Variants in ROBO4 observed in about 807,000 individuals in gnomAD.
The protein encoded by ROBO4 is roundabout guidance receptor 4.
A neutral mutation model predicts 103.3 loss-of-function variants in ROBO4; 80 were observed. That is an observed-to-expected ratio of 0.77 (90% CI 0.65 to 0.93). ROBO4 has a LOEUF of 0.93. Among genes scored for constraint, ROBO4 ranks in the 40% least tolerant of loss-of-function variants. The pLI, the probability that ROBO4 is intolerant of heterozygous loss-of-function variation, is 0.00. For synonymous variants in ROBO4, 504 were observed against 529.7 expected, an observed-to-expected ratio of 0.95 and a Z score of 0.67; for missense variants, 1,333 against 1,305.3, an observed-to-expected ratio of 1.02 and a Z score of -0.33.
chr11:124,886,892 C>A, intron 15 of ROBO4, 70 bp from the exon 16 acceptor site: 1 of 1,532,086 alleles, frequency 6.5e-7, no homozygotes, highest in Non-Finnish European at 8.8e-7. Context: ...AGAAAAGCCC[C>A]AGTTGAGGGA....
chr11:124,890,125 G>A (rs1265856023), intron 12 of ROBO4, among the ~76,000 whole-genome samples: 1 of 152,042 alleles, frequency 6.6e-6, no homozygotes, highest in Non-Finnish European at 1.5e-5. Flanking sequence ...TGGGAAGGCT[G>A]TTTTTTAAAT....
At chr11:124,895,756 G>A (rs369105950) in intron 5 of ROBO4, 29 bp downstream of exon 5, 129 of 1,613,678 alleles carry the variant, frequency 8.0e-5, no homozygotes, top group East Asian at 2.5e-4. Flanking sequence ...GCTCTGGATC[G>A]GCTTTTACCC....
At chr11:124,892,405 G>C (rs923236653) in intron 10 of ROBO4, 7 of 237,428 alleles carry the variant, frequency 2.9e-5, no homozygotes, top group African/African-American at 1.4e-4. Flanking sequence ...ATAGAGCCCA[G>C]GTACCTAGCA....
At chr11:124,894,451 G>T (rs1946850291) in intron 7 of ROBO4, 82 bp from the exon 8 acceptor site, 10 of 1,408,878 alleles carry the variant, frequency 7.1e-6, no homozygotes, top group Admixed American at 2.1e-5. Context: ...AGACTCCAGG[G>T]GTGTGGTTAT....
chr11:124,893,898 A>G lies in ROBO4; in HGVS notation c.1466T>C (p.Ile489Thr). The change falls in exon 9 of 18, where the codon ATC becomes ACC. Residue 489 changes from isoleucine (I) to threonine (T), a missense_variant. Transcript: ENST00000306534. ...CACCCTAGCTCGGCGCCGGCGGTGGATACACACGGCGGTGCCCAGAAGCAG... is the reference window on the plus strand; with the variant it reads ...CACCCTAGCTCGGCGCCGGCGGTGGGTACACACGGCGGTGCCCAGAAGCAG... ...WLLLLGTAVC[I>T]HRRRRARVHL... The G allele has an allele frequency of 6.2e-7, 1 of 1,612,408 alleles. No individual in the cohort carries two copies. The highest frequency in any genetic ancestry group is 8.5e-7 in the Non-Finnish European group (1 of 1,179,800).
Position 124,893,946 on chromosome 11 carries a change from G to A in ROBO4, c.1418C>T (p.Thr473Ile). The change falls in exon 9 of 18, where the codon ACC becomes ATC. Residue 473 changes from threonine to isoleucine, a missense_variant. Physicochemically the swap from Thr to Ile is moderately conservative, Grantham distance 89. Transcript: ENST00000306534. ...ATLKRPEVIA[T>I]CGVALWLLLL... ...CAGCAGCCAGAGTGCAACACCGCAGGTGGCAATGACCTCAGGCCGCTTCAA... is the reference window on the plus strand; with the variant it reads ...CAGCAGCCAGAGTGCAACACCGCAGATGGCAATGACCTCAGGCCGCTTCAA... 6 of 1,610,174 alleles carry A rather than the reference G, an allele frequency of 3.7e-6. No homozygotes were observed. The highest frequency in any genetic ancestry group is 2.2e-5 in the East Asian group (1 of 44,850).
rs200777531 is a variant in ROBO4 at position 124,887,831 on chromosome 11, T to G, written c.1958A>C (p.His653Pro). 11 of 1,613,416 alleles carry G rather than the reference T, an allele frequency of 6.8e-6. No individual in the cohort carries two copies. The Admixed American group carries it at 1.0e-4, about 15-fold the overall frequency. The change falls in exon 13 of 18, where the codon CAT (histidine) becomes CCT (proline). Residue 653 changes from histidine to proline, a missense_variant. Physicochemically the swap from His to Pro is moderately conservative, Grantham distance 77. Coordinates refer to ENST00000306534, the MANE Select transcript of ROBO4 (RefSeq NM_019055.6). ...WKAKKKQELQ[H>P]ANSSPLLRGS... is the part of the protein sequence containing the mutation. The stretch of plus-strand genomic sequence containing the variant: ...CCGGAGCAGTGGGGAACTGTTGGCA[T>G]GCTGCAGCTCTGCAAAGAAAGGGTT...
chr11:124,885,077 T>A lies in ROBO4; in HGVS notation c.2965A>T (p.Arg989Ter), dbSNP rs139324033. 2.1e-4 allele frequency: 332 copies of A among 1,614,176 alleles called. 1 individual carries two copies. Among genetic ancestry groups the A allele is most frequent in the Admixed American group, 1.9e-3 (117 of 60,028 alleles). ...GGCATACGACAGTGGAGCTGACTTCTCTGGGAAGAGATCTGAGAGTCAGGG... is the reference window on the plus strand; with the variant it reads ...GGCATACGACAGTGGAGCTGACTTCACTGGGAAGAGATCTGAGAGTCAGGG... ...WPPDSQISSQ[R>*]SQLHCRMPKA... is the part of the protein sequence containing the mutation. The change falls in exon 17 of 18, where the codon AGA becomes TGA. Residue 989 changes from arginine (R) to a stop codon, truncating the protein, a stop_gained. Coordinates refer to ENST00000306534, the MANE Select transcript of ROBO4 (RefSeq NM_019055.6). LOFTEE classifies it high-confidence loss of function.
At chr11:124,888,387 G>A (rs922538042) in intron 12 of ROBO4, among the ~76,000 whole-genome samples, 2 of 152,124 alleles carry the variant, frequency 1.3e-5, no homozygotes, top group African/African-American at 4.8e-5. Flanking sequence ...TGGGAAACTC[G>A]ACTGTCTCTC....
At chr11:124,885,276 G>T in intron 16 of ROBO4, 29 bp from the exon 17 acceptor site, 1 of 1,589,620 alleles carries the variant, frequency 6.3e-7, no homozygotes, top group Non-Finnish European at 8.6e-7. Context: ...GTGTCTGTGG[G>T]AGGTTGACCT....
intron 6 of ROBO4, 102 bp downstream of exon 6, chr11:124,895,355 C>A: frequency 3.2e-6 from 4 of 1,242,584 alleles, no homozygotes; most frequent in Middle Eastern, 2.2e-4. Flanking sequence ...AGGGTAGGAC[C>A]CATAATCTCC....
chr11:124,884,935 T>A, intron 17 of ROBO4, 22 bp from the exon 18 acceptor site: 1 of 1,614,116 alleles, frequency 6.2e-7, no homozygotes, highest in Non-Finnish European at 8.5e-7. Context: ...TGGAGTTATC[T>A]CCCTTGCTCC....
Position 124,891,724 on chromosome 11 carries a change from G to A in ROBO4, c.1626C>T (p.Ser542=), listed in dbSNP as rs150902625. 23 of 1,614,050 alleles carry A rather than the reference G, an allele frequency of 1.4e-5. No homozygotes were observed. The African/African-American group carries it at 2.7e-4, about 19-fold the overall frequency. Residue 542 remains serine (S), a synonymous_variant, in exon 11 of 18, where the codon AGC becomes AGT. Transcript: ENST00000306534. ...TSGSRDLSSS[S]SLSSRLGADA... The stretch of plus-strand genomic sequence containing the variant: ...CCGCCCCCAGCCGACTGCTGAGGCT[G>A]CTGCTGCTGCTCAGGTCCCGAGAGC...
In ROBO4 at chr11:124,887,734, T is replaced by C. The variant is rs1946739040; in HGVS notation, c.2055A>G (p.Pro685=). 1 of 1,613,776 alleles carries C rather than the reference T, an allele frequency of 6.2e-7. No individual in the cohort carries two copies. The highest frequency in any genetic ancestry group is 8.5e-7 in the Non-Finnish European group (1 of 1,179,800). ...NRGSKNLSQS[P]GAVPQALVAW... ...TCCCTTTCAGGGACCCCCTCTCACC[T>C]GGGCTTTGGGAAAGGTTCTTGGAAC... is the stretch of plus-strand genomic sequence containing the variant. The change falls in exon 13 of 18, where the codon CCA becomes CCG. Residue 685 remains proline, a splice_region_variant and synonymous_variant. Coordinates refer to ENST00000306534, the MANE Select transcript of ROBO4 (RefSeq NM_019055.6).
chr11:124,897,399 A>G (rs1018731080), intron 1 of ROBO4, 138 bp from the exon 2 acceptor site: 11 of 680,096 alleles, frequency 1.6e-5, no homozygotes, highest in African/African-American at 3.6e-5. Flanking sequence ...TGCCTCCCAA[A>G]GAACAAGCCA....
At chr11:124,889,993 G>C (rs1463291053) in intron 12 of ROBO4, among the ~76,000 whole-genome samples, 1 of 152,228 alleles carries the variant, frequency 6.6e-6, no homozygotes, top group Admixed American at 6.5e-5. Context: ...AGGCTAGGAA[G>C]CCTCATCTCA....
intron 16 of ROBO4, among the ~76,000 whole-genome samples, chr11:124,886,204 G>A (rs763906478): frequency 2.6e-5 from 4 of 152,162 alleles, no homozygotes; most frequent in Non-Finnish European, 5.9e-5. Context: ...AAAAGAATTG[G>A]ACAATTTGTC....
chr11:124,894,006 T>G lies in ROBO4; in HGVS notation c.1358A>C (p.His453Pro), dbSNP rs373760832. ...MERATQEPSE[H>P]GPWTLEQLRA... Reference sequence around the variant, plus strand: ...CAGCTGCTCCAGGGTCCAGGGACCATGCTCACTGGGTTCTTGGGTGGCTCG... The same window carrying G: ...CAGCTGCTCCAGGGTCCAGGGACCAGGCTCACTGGGTTCTTGGGTGGCTCG... Residue 453 changes from histidine (H) to proline (P), a missense_variant, in exon 9 of 18, where the codon CAT becomes CCT. Transcript: ENST00000306534. 11 of 1,568,122 alleles carry G rather than the reference T, an allele frequency of 7.0e-6. No individual in the cohort carries two copies. The highest frequency in any genetic ancestry group is 1.4e-5 in the African/African-American group (1 of 73,892).
chr11:124,897,006 A>T lies in ROBO4; in HGVS notation c.326T>A (p.Leu109Gln), dbSNP rs759023826. The T allele has an allele frequency of 1.2e-6, 2 of 1,613,968 alleles. No homozygotes were observed. Among genetic ancestry groups the T allele is most frequent in the African/African-American group, 2.7e-5 (2 of 74,936 alleles). ...GCTGGCCTCACATGTGTAGACACCCAGGTCTGTGGACAGGGCCTGGCCATC... is the reference window on the plus strand; with the variant it reads ...GCTGGCCTCACATGTGTAGACACCCTGGTCTGTGGACAGGGCCTGGCCATC... The part of the protein sequence containing the change: ...AHDGQALSTD[L>Q]GVYTCEASNR... The change falls in exon 2 of 18, where the codon CTG becomes CAG. Residue 109 changes from leucine to glutamine, a missense_variant. Leu to Gln is a moderately radical substitution (Grantham distance 113, BLOSUM62 -2). Coordinates refer to ENST00000306534, the MANE Select transcript of ROBO4 (RefSeq NM_019055.6).
Sources: allele counts gnomAD v4.1 joint callset (sites outside exome capture counted in the v4.1 genomes callset), GRCh38; gene constraint gnomAD v4.1.1; transcripts MANE v1.5; gene names NCBI Gene and HGNC (gene_info 2026-07-23, HGNC 2026-07-21).